Variants in CCDC171 observed in about 807,000 individuals in gnomAD.
CCDC171 encodes the protein coiled-coil domain-containing protein 171.
In CCDC171, 177 loss-of-function variants were observed where a neutral mutation model predicts 168.2. The observed-to-expected ratio is 1.05, with a 90% CI of 0.93 to 1.19. The LOEUF is 1.19. CCDC171 is among the 50% of genes most tolerant of loss of function. The probability of loss-of-function intolerance (pLI) is 0.00; values close to 1 mark genes in which losing one functional copy is unlikely to be tolerated. For synonymous variants in CCDC171, 687 were observed against 540.8 expected (o/e 1.27, Z -3.75); for missense variants, 1,991 against 1,539.0 (o/e 1.29, Z -4.91).
At chr9:15,977,002 T>C (rs1039425799), downstream of CCDC171, among the ~76,000 whole-genome samples, 8 of 151,978 alleles carry the variant, frequency 5.3e-5, no homozygotes, top group Admixed American at 5.2e-4. Context: ...AAAAGAAAAA[T>C]AAAGCCTCTG....
chr9:15,659,370 C>G (rs1322578836), intron 8 of CCDC171, among the ~76,000 whole-genome samples: 4 of 152,126 alleles, frequency 2.6e-5, no homozygotes, highest in Non-Finnish European at 5.9e-5. Context: ...TAAATGTTTT[C>G]TCAGCATTTG....
upstream of CCDC171, among the ~76,000 whole-genome samples, chr9:16,042,137 G>A (rs759534058): frequency 3.4e-4 from 51 of 152,164 alleles, 1 homozygote; most frequent in Non-Finnish European, 8.8e-5. Context: ...AGACTCTTGC[G>A]AAGCTAGTGG....
chr9:15,602,956 C>T (rs570705518), intron 6 of CCDC171, among the ~76,000 whole-genome samples: 2 of 151,920 alleles, frequency 1.3e-5, no homozygotes, highest in South Asian at 4.2e-4. Flanking sequence ...TCTCGCCTAG[C>T]CTTATTTAAT....
intron 11 of CCDC171, among the ~76,000 whole-genome samples, chr9:15,719,412 G>A (rs1483066765): frequency 2.7e-5 from 2 of 72,830 alleles, no homozygotes; most frequent in Non-Finnish European, 2.8e-5. Context: ...GGCGGGGCGG[G>A]GGAAAGAGAG....
chr9:15,950,325 G>A (rs1281244309), intron 25 of CCDC171, among the ~76,000 whole-genome samples: 2 of 152,124 alleles, frequency 1.3e-5, no homozygotes, highest in Non-Finnish European at 2.9e-5. Context: ...ATAATTGTCT[G>A]ATTCACCAAA....
rs1387372864 is a variant in CCDC171 at position 15,946,117 on chromosome 9, G to A, written c.3754-25492G>A. 2.6e-5 allele frequency among the ~76,000 whole-genome samples: 4 copies of A among 151,942 alleles called. No homozygotes were observed. In the East Asian group the frequency reaches 7.9e-4, roughly 30 times the overall value. On this transcript the variant is annotated intron_variant, in intron 25 of 25. Transcript: ENST00000380701. ...TACATATGGCTAGCCAGTTTTCCCA[G>A]CATCATTTATTAAATAGGGAATCCT... is the stretch of plus-strand genomic sequence containing the variant.
At chr9:15,659,185 G>A (rs754601524) in intron 8 of CCDC171, among the ~76,000 whole-genome samples, 6 of 152,156 alleles carry the variant, frequency 3.9e-5, no homozygotes, top group Non-Finnish European at 8.8e-5. Context: ...TTGACATCCT[G>A]CTTTTTGTGA....
At chr9:15,732,463 G>T (rs1026496518) in intron 16 of CCDC171, among the ~76,000 whole-genome samples, 2 of 152,082 alleles carry the variant, frequency 1.3e-5, no homozygotes, top group Non-Finnish European at 2.9e-5. Context: ...TGAAAAAACA[G>T]TTGGCCATAT....
chr9:15,618,194 C>G (rs771090867), intron 6 of CCDC171, among the ~76,000 whole-genome samples: 4 of 152,178 alleles, frequency 2.6e-5, no homozygotes, highest in Non-Finnish European at 5.9e-5. Flanking sequence ...GACTGAACTG[C>G]TGCATATCCT....
chr9:15,676,710 A>T (rs1219880961), intron 9 of CCDC171, among the ~76,000 whole-genome samples: 2 of 152,072 alleles, frequency 1.3e-5, no homozygotes, highest in Non-Finnish European at 1.5e-5. Context: ...GAAATTATTT[A>T]TCAGAGGAAA....
chr9:15,629,498 A>C (rs2045488071), intron 7 of CCDC171, among the ~76,000 whole-genome samples: 1 of 152,190 alleles, frequency 6.6e-6, no homozygotes, highest in Non-Finnish European at 1.5e-5. Context: ...AAAGAAACGA[A>C]CAAAGCCTCC....
chr9:16,037,099 G>C (rs1833485056), intron 8 of CCDC171, among the ~76,000 whole-genome samples: 1 of 152,170 alleles, frequency 6.6e-6, no homozygotes, highest in African/African-American at 2.4e-5. Flanking sequence ...GATAACCATA[G>C]TTAATAATTT....
intron 7 of CCDC171, among the ~76,000 whole-genome samples, chr9:15,638,770 A>G (rs1032191246): frequency 6.6e-6 from 1 of 151,974 alleles, no homozygotes; most frequent in Non-Finnish European, 1.5e-5. Flanking sequence ...ATTAAAAAAA[A>G]ACAAACAAAC....
intron 7 of CCDC171, among the ~76,000 whole-genome samples, chr9:15,625,357 T>C (rs1259029647): frequency 6.6e-6 from 1 of 152,232 alleles, no homozygotes; most frequent in African/African-American, 2.4e-5. Context: ...TTTGTTGCCA[T>C]TGCTTTTGGT....
At chr9:15,767,291 T>C (rs1243107654) in intron 18 of CCDC171, among the ~76,000 whole-genome samples, 1 of 152,190 alleles carries the variant, frequency 6.6e-6, no homozygotes, top group Non-Finnish European at 1.5e-5. Context: ...TCTGATTCTT[T>C]TTGCAGCTTT....
intron 6 of CCDC171, among the ~76,000 whole-genome samples, chr9:15,622,008 T>A (rs536749441): frequency 6.6e-6 from 1 of 152,352 alleles, no homozygotes; most frequent in South Asian, 2.1e-4. Context: ...GAGGCCATTA[T>A]CTTTAGCAAA....
At chr9:15,863,837 T>C (rs2131026816) in intron 23 of CCDC171, among the ~76,000 whole-genome samples, 1 of 152,186 alleles carries the variant, frequency 6.6e-6, no homozygotes, top group Non-Finnish European at 1.5e-5. Context: ...AATTATAATC[T>C]GACAACTCTG....
intron 1 of CCDC171, among the ~76,000 whole-genome samples, chr9:16,053,688 C>T (rs150583439): frequency 7.9e-5 from 12 of 152,356 alleles, no homozygotes; most frequent in African/African-American, 2.4e-4. Flanking sequence ...AAGGCTGAAT[C>T]ACCAAAGGCT....
chr9:15,863,641 G>T (rs961500818), intron 23 of CCDC171, among the ~76,000 whole-genome samples: 16 of 151,420 alleles, frequency 1.1e-4, no homozygotes, highest in African/African-American at 3.6e-4. Context: ...TTAGTTCCTT[G>T]TACATGGTTT....
Sources: gnomAD v4.1 joint callset for allele counts (sites outside exome capture counted in the v4.1 genomes callset) on GRCh38, gnomAD v4.1.1 for gene constraint, MANE v1.5 for transcripts, NCBI Gene and HGNC (gene_info 2026-07-23, HGNC 2026-07-21) for gene names.